ABL1: variants seen among roughly 807,000 people sequenced by gnomAD.
ABL1 encodes the protein tyrosine-protein kinase ABL1.
In ABL1, 11 loss-of-function variants were observed where a neutral mutation model predicts 94.7. The observed-to-expected ratio is 0.12, with a 90% CI of 0.07 to 0.19. ABL1 has a LOEUF of 0.19. ABL1 is among the 10% of genes least tolerant of loss of function. The pLI is 1.00. For synonymous variants in ABL1, 656 were observed against 622.4 expected, an observed-to-expected ratio of 1.05 and a Z score of -0.80; for missense variants, 1,082 against 1,489.4, an observed-to-expected ratio of 0.73 and a Z score of 4.50.
At chr9:130,743,103 G>T (rs1047426841) in intron 1 of ABL1, among the ~76,000 whole-genome samples, 2 of 151,974 alleles carry the variant, frequency 1.3e-5, no homozygotes, top group Admixed American at 1.3e-4. Flanking sequence ...ACAGAGTTTC[G>T]CTCTTGTTGC....
chr9:130,763,329 T>TC (rs1832140930), intron 1 of ABL1, among the ~76,000 whole-genome samples: 1 of 143,014 alleles, frequency 7.0e-6, no homozygotes, highest in East Asian at 2.0e-4. Flanking sequence ...TGTGGTTTTT[T>TC]TTCATTTAAT....
intron 1 of ABL1, among the ~76,000 whole-genome samples, chr9:130,716,780 C>A (rs947286332): frequency 1.3e-5 from 2 of 151,538 alleles, no homozygotes; most frequent in East Asian, 3.9e-4. Flanking sequence ...GGTAGAGTTT[C>A]GCTCTTGTCG....
chr9:130,748,027 G>C (rs1291488716), intron 1 of ABL1, among the ~76,000 whole-genome samples: 1 of 152,120 alleles, frequency 6.6e-6, no homozygotes, highest in African/African-American at 2.4e-5. Context: ...ACCCTTGAAC[G>C]CCAGAATTCC....
chr9:130,724,745 TTTAA>T, intron 1 of ABL1: 1 of 396,864 alleles, frequency 2.5e-6, no homozygotes, highest in Admixed American at 2.6e-5. Context: ...AAACCCTGTC[TTTAA>T]AAAAAAAAAA....
At chr9:130,776,162 T>G (rs1832307961) in intron 1 of ABL1, among the ~76,000 whole-genome samples, 1 of 152,228 alleles carries the variant, frequency 6.6e-6, no homozygotes. Flanking sequence ...AGAGAATTAG[T>G]CATGTGGTAT....
intron 1 of ABL1, among the ~76,000 whole-genome samples, chr9:130,804,152 C>A (rs370619803): frequency 2.6e-5 from 4 of 151,426 alleles, no homozygotes; most frequent in Non-Finnish European, 4.4e-5. Flanking sequence ...ATCAGGAGAT[C>A]GAGACAATCC....
chr9:130,722,164 G>A (rs561896657), intron 1 of ABL1, among the ~76,000 whole-genome samples: 21 of 152,022 alleles, frequency 1.4e-4, no homozygotes, highest in African/African-American at 4.1e-4. Flanking sequence ...AGGCTGAGGC[G>A]GGTGGATCAC....
At chr9:130,730,477 T>A (rs1234909932) in intron 1 of ABL1, among the ~76,000 whole-genome samples, 2 of 152,234 alleles carry the variant, frequency 1.3e-5, no homozygotes, top group Non-Finnish European at 2.9e-5. Context: ...AATATATGTG[T>A]ACCTATGTAT....
At chr9:130,801,745 T>C (rs1307911311) in intron 1 of ABL1, among the ~76,000 whole-genome samples, 1 of 152,230 alleles carries the variant, frequency 6.6e-6, no homozygotes, top group Admixed American at 6.5e-5. Context: ...GGCTCATGTG[T>C]TCCGATGAGA....
At chr9:130,809,409 AGAGAGAGAGTGTGTGTGTGTGT>A (rs1564296524) in intron 1 of ABL1, among the ~76,000 whole-genome samples, 1 of 125,370 alleles carries the variant, frequency 8.0e-6, no homozygotes. Context: ...AGAGAGAGAG[AGAGAGAGAGTGTGTGTGTGTGT>A]GTGTGTGTGT....
chr9:130,852,628 C>G (rs1367860221), intron 1 of ABL1, among the ~76,000 whole-genome samples: 1 of 152,078 alleles, frequency 6.6e-6, no homozygotes, highest in East Asian at 1.9e-4. Flanking sequence ...AAGAACTCGT[C>G]TACACGTTGT....
At chr9:130,817,239 T>G (rs1364287014) in intron 1 of ABL1, among the ~76,000 whole-genome samples, 1 of 152,204 alleles carries the variant, frequency 6.6e-6, no homozygotes, top group Admixed American at 6.6e-5. Flanking sequence ...GAAGAAAAAT[T>G]TATTCAAAGA....
intron 1 of ABL1, among the ~76,000 whole-genome samples, chr9:130,734,140 G>T (rs1383270502): frequency 6.6e-6 from 1 of 151,818 alleles, no homozygotes; most frequent in Non-Finnish European, 1.5e-5. Flanking sequence ...AATGAGTGGG[G>T]TCTAGCTTTA....
intron 1 of ABL1, among the ~76,000 whole-genome samples, chr9:130,764,476 G>A (rs912000162): frequency 6.6e-6 from 1 of 152,136 alleles, no homozygotes; most frequent in Non-Finnish European, 1.5e-5. Context: ...TTGTAACAAT[G>A]TGTTTAGCTT....
At chr9:130,827,232 C>T (rs1298962848) in intron 1 of ABL1, among the ~76,000 whole-genome samples, 4 of 152,164 alleles carry the variant, frequency 2.6e-5, no homozygotes, top group Admixed American at 6.6e-5. Context: ...GATTCCCAGC[C>T]CTCTTCTAAT....
In ABL1 at chr9:130,780,683, G is replaced by A. The variant is rs940928789; in HGVS notation, c.136+66228G>A. The stretch of plus-strand genomic sequence containing the variant: ...GATAAAAAAAAGTTGAGAGGAGGGA[G>A]CTCCAGAAATGTGGGATACTCAGCA... On this transcript the variant is annotated intron_variant, in intron 1 of 10. Coordinates refer to the ABL1 transcript ENST00000372348. Among the ~76,000 whole-genome samples, 3 of 152,172 alleles carry A rather than the reference G, an allele frequency of 2.0e-5. No individual in the cohort carries two copies. In the South Asian group the frequency reaches 6.2e-4, roughly 32 times the overall value.
exon 1 of ABL1, chr9:130,713,841 G>T (rs962936691): frequency 4.0e-5 from 9 of 223,220 alleles, no homozygotes; most frequent in Non-Finnish European, 8.0e-5. Context: ...CCACTAGTTC[G>T]GCAGGAAATT....
chr9:130,833,145 A>G (rs1830513974), upstream of ABL1, among the ~76,000 whole-genome samples: 1 of 152,242 alleles, frequency 6.6e-6, no homozygotes, highest in South Asian at 2.1e-4. Context: ...AAGGCAAGCA[A>G]ATATCTGGGC....
intron 1 of ABL1, among the ~76,000 whole-genome samples, chr9:130,847,570 A>AT (rs559173460): frequency 5.1e-4 from 78 of 152,334 alleles, no homozygotes; most frequent in African/African-American, 1.8e-3. Flanking sequence ...GCATTTATAC[A>AT]TTGTGAGTCA....
Sources: allele counts gnomAD v4.1 joint callset (sites outside exome capture counted in the v4.1 genomes callset), GRCh38; gene constraint gnomAD v4.1.1; transcripts MANE v1.5; gene names NCBI Gene and HGNC (gene_info 2026-07-23, HGNC 2026-07-21).